Variants in ORC5 observed in about 807,000 individuals in gnomAD.
The protein encoded by ORC5 is origin recognition complex subunit 5.
In ORC5, 39 loss-of-function variants were observed where a neutral mutation model predicts 58.8. That is an observed-to-expected ratio of 0.66 (90% CI 0.51 to 0.87). The LOEUF (loss-of-function observed/expected upper bound fraction) is 0.87, where lower values mean the gene tolerates loss of function less well. Ranked by LOEUF, ORC5 falls within the 40% of genes least tolerant of loss-of-function variation. The probability of loss-of-function intolerance (pLI) is 0.00; values close to 1 mark genes in which losing one functional copy is unlikely to be tolerated. For synonymous variants in ORC5, 218 were observed against 177.6 expected (o/e 1.23, Z -1.81); for missense variants, 493 against 506.3 (o/e 0.97, Z 0.25).
Position 104,136,817 on chromosome 7 carries a change from C to CATTT in ORC5, c.1222_1225dup (p.Cys409Ter), listed in dbSNP as rs751811756. On this transcript the variant is annotated stop_gained and frameshift_variant, in exon 13 of 14. Coordinates refer to ENST00000297431, the MANE Select transcript of ORC5 (RefSeq NM_002553.4). LOFTEE classifies it high-confidence loss of function. This position sits in a 1 kb window ranked among gnomAD's most constrained non-coding sequence, Gnocchi z 4.2. ...TCTGATGAAGTCTAGAGACACTGTG[C>CATTT]ATTTGTATTTTGGTCCATCAAGCTG... is the stretch of plus-strand genomic sequence containing the variant. 1 of 1,613,704 alleles carries CATTT rather than the reference C, an allele frequency of 6.2e-7. No homozygotes were observed. The highest frequency in any genetic ancestry group is 8.5e-7 in the Non-Finnish European group (1 of 1,179,622).
chr7:104,192,390 T>A (rs1295280046), intron 5 of ORC5, among the ~76,000 whole-genome samples: 1 of 152,182 alleles, frequency 6.6e-6, no homozygotes, highest in Non-Finnish European at 1.5e-5. Flanking sequence ...GAATTTTTCA[T>A]GTTGCCACTA....
chr7:104,192,515 T>C (rs984910098), intron 5 of ORC5, among the ~76,000 whole-genome samples: 4 of 151,982 alleles, frequency 2.6e-5, no homozygotes, highest in African/African-American at 7.2e-5. Flanking sequence ...CTCTGGATCA[T>C]CTCTCCAAAA....
intron 12 of ORC5, among the ~76,000 whole-genome samples, chr7:104,151,802 T>C (rs1217173203): frequency 1.3e-5 from 2 of 152,204 alleles, no homozygotes; most frequent in Non-Finnish European, 2.9e-5. Flanking sequence ...AGGGAGTAGA[T>C]AAGACAGCTC....
intron 8 of ORC5, among the ~76,000 whole-genome samples, chr7:104,178,330 TTC>T (rs1799363782): frequency 6.6e-6 from 1 of 152,238 alleles, no homozygotes; most frequent in Non-Finnish European, 1.5e-5. Context: ...CTGATGAGCT[TTC>T]TTCATGTTTG....
intron 2 of ORC5, 99 bp downstream of exon 2, chr7:104,204,043 G>A: frequency 3.5e-6 from 2 of 578,890 alleles, no homozygotes; most frequent in Non-Finnish European, 6.2e-6. Flanking sequence ...TAATGTAAAG[G>A]TGGTATGTTC....
intron 12 of ORC5, among the ~76,000 whole-genome samples, chr7:104,150,996 G>A (rs1450321564): frequency 5.3e-5 from 8 of 152,108 alleles, no homozygotes; most frequent in East Asian, 1.9e-4. Flanking sequence ...ACCATGATGC[G>A]TAAAAAGAGA....
chr7:104,173,051 A>C (rs7804399), intron 8 of ORC5, among the ~76,000 whole-genome samples: 1 of 151,728 alleles, frequency 6.6e-6, no homozygotes, highest in African/African-American at 2.4e-5. Context: ...AAAACCCCCA[A>C]CAAGTAGAGC....
chr7:104,146,324 G>A (rs1798752041), intron 12 of ORC5, among the ~76,000 whole-genome samples: 1 of 152,122 alleles, frequency 6.6e-6, no homozygotes, highest in Non-Finnish European at 1.5e-5. Context: ...ATTTATTCCA[G>A]AGAACTGCAT....
At position 104,133,217 on chromosome 7, in the gene ORC5, TA is replaced by T. The variant is rs1798540528; in HGVS notation, c.1262+3563del. On this transcript the variant is annotated intron_variant, in intron 13 of 13. Transcript: ENST00000297431. This position sits in a 1 kb window ranked among gnomAD's most constrained non-coding sequence, Gnocchi z 4.7. ...ATCATTCTGGCTACAGCATGGATAA[TA>T]AATTATAAGAGGATAAGAGCAGACA... is the stretch of plus-strand genomic sequence containing the variant. 6.6e-6 allele frequency among the ~76,000 whole-genome samples: 1 copy of T among 152,132 alleles called. No individual in the cohort carries two copies. Among genetic ancestry groups the T allele is most frequent in the South Asian group, 2.1e-4 (1 of 4,830 alleles).
intron 12 of ORC5, among the ~76,000 whole-genome samples, chr7:104,137,781 TC>T (rs761271674): frequency 5.3e-5 from 8 of 152,072 alleles, no homozygotes; most frequent in Non-Finnish European, 1.2e-4. Context: ...TCCTTCGGGC[TC>T]CCCAACCATC....
At chr7:104,158,902 A>C (rs1299904284) in intron 12 of ORC5, among the ~76,000 whole-genome samples, 1 of 151,328 alleles carries the variant, frequency 6.6e-6, no homozygotes. Flanking sequence ...AGTTCAACCA[A>C]TGTGGAAGTC....
intron 8 of ORC5, among the ~76,000 whole-genome samples, chr7:104,172,957 C>A (rs185415626): frequency 5.8e-4 from 86 of 148,796 alleles, no homozygotes; most frequent in African/African-American, 2.1e-3. Flanking sequence ...AAAGCTAGTA[C>A]TGACTTTCCT....
At chr7:104,207,013 T>C (rs1800104104) in intron 1 of ORC5, among the ~76,000 whole-genome samples, 1 of 152,088 alleles carries the variant, frequency 6.6e-6, no homozygotes, top group Admixed American at 6.5e-5. Flanking sequence ...CGTATCCCCC[T>C]CACTAAGTGG....
chr7:104,204,193 A>G lies in ORC5; in HGVS notation c.114T>C (p.His38=). The part of the protein sequence containing the change: ...FSFPSIFIYG[H]TASGKTYVTQ... ...TTACATAGGTCTTTCCACTAGCAGT[A>G]TGTCCATAAATAAAAATGGATGGAA... Residue 38 remains histidine (H), a synonymous_variant, in exon 2 of 14, where the codon CAT becomes CAC. Transcript: ENST00000297431. The G allele has an allele frequency of 6.2e-7, 1 of 1,602,714 alleles. No homozygotes were observed. Among genetic ancestry groups the G allele is most frequent in the Non-Finnish European group, 8.5e-7 (1 of 1,174,360 alleles).
intron 12 of ORC5, among the ~76,000 whole-genome samples, chr7:104,144,055 G>T (rs374048934): frequency 1.3e-5 from 2 of 152,160 alleles, no homozygotes; most frequent in African/African-American, 4.8e-5. Context: ...GGGGGTGGAG[G>T]TTGCAGTGAG....
intron 12 of ORC5, among the ~76,000 whole-genome samples, chr7:104,152,534 C>T (rs1386036456): frequency 6.6e-6 from 1 of 152,110 alleles, no homozygotes; most frequent in Non-Finnish European, 1.5e-5. Context: ...AAACTCTTCT[C>T]ATTTAAACAA....
chr7:104,169,558 C>G (rs900452074), intron 8 of ORC5, among the ~76,000 whole-genome samples: 1 of 152,014 alleles, frequency 6.6e-6, no homozygotes, highest in Admixed American at 6.6e-5. Context: ...CTCACCAACT[C>G]TAAAACTCTC....
rs79420086 is a variant in ORC5 at position 104,155,215 on chromosome 7, T to A, written c.1149+5857A>T. On this transcript the variant is annotated intron_variant, in intron 12 of 13. Coordinates refer to ENST00000297431, the MANE Select transcript of ORC5 (RefSeq NM_002553.4). ...CAAGTGTATCCATAGTATCATGACA[T>A]GAGTTCATAAGCAGAGAAGGTACAA... 2.0e-3 allele frequency among the ~76,000 whole-genome samples: 309 copies of A among 151,890 alleles called. 1 individual carries two copies. The highest frequency in any genetic ancestry group is 6.7e-3 in the African/African-American group (278 of 41,548).
chr7:104,204,194 T>G lies in ORC5; in HGVS notation c.113A>C (p.His38Pro), dbSNP rs767906460. ...FSFPSIFIYG[H>P]TASGKTYVTQ... Reference sequence around the variant, plus strand: ...TACATAGGTCTTTCCACTAGCAGTATGTCCATAAATAAAAATGGATGGAAA... The same window carrying G: ...TACATAGGTCTTTCCACTAGCAGTAGGTCCATAAATAAAAATGGATGGAAA... The change falls in exon 2 of 14, where the codon CAT (histidine) becomes CCT (proline). Residue 38 changes from histidine (H) to proline (P), a missense_variant. Coordinates refer to ENST00000297431, the MANE Select transcript of ORC5 (RefSeq NM_002553.4). 3 of 1,602,704 alleles carry G rather than the reference T, an allele frequency of 1.9e-6. No homozygotes were observed. In the African/African-American group the frequency reaches 4.0e-5, roughly 21 times the overall value.
Sources: allele counts gnomAD v4.1 joint callset (sites outside exome capture counted in the v4.1 genomes callset), GRCh38; gene constraint gnomAD v4.1.1; non-coding constraint Gnocchi (gnomAD v3.1); transcripts MANE v1.5; gene names NCBI Gene and HGNC (gene_info 2026-07-23, HGNC 2026-07-21).